The following CPQ variants were observed in gnomAD, a reference collection of about 807,000 sequenced individuals.
CPQ encodes the protein Ser-Met dipeptidase.
Under a neutral mutation model 45.7 loss-of-function variants are expected in CPQ, and 37 were observed. The observed-to-expected ratio is 0.81, with a 90% CI of 0.62 to 1.07. CPQ has a LOEUF of 1.07. Ranked by LOEUF, CPQ falls within the 50% of genes least tolerant of loss-of-function variation. CPQ has a pLI of 0.00. For synonymous variants in CPQ, 186 were observed against 205.8 expected (o/e 0.90, Z 0.82); for missense variants, 537 against 572.9 (o/e 0.94, Z 0.64).
intron 1 of CPQ, among the ~76,000 whole-genome samples, chr8:96,774,128 G>T (rs952601064): frequency 1.3e-5 from 2 of 151,920 alleles, no homozygotes; most frequent in Non-Finnish European, 2.9e-5. Context: ...AAAATTAGCC[G>T]GGCACAGTGG....
chr8:96,753,518 C>G (rs1216820766), intron 1 of CPQ, among the ~76,000 whole-genome samples: 1 of 139,350 alleles, frequency 7.2e-6, no homozygotes, highest in Admixed American at 7.1e-5. Flanking sequence ...AAGTTTTCTT[C>G]TATCTTGCAT....
chr8:96,941,749 G>A (rs1813125478), intron 4 of CPQ, among the ~76,000 whole-genome samples: 1 of 152,122 alleles, frequency 6.6e-6, no homozygotes, highest in Non-Finnish European at 1.5e-5. Context: ...GAATATAACT[G>A]AGAACCATGA....
At chr8:97,118,821 C>T (rs539788702) in intron 7 of CPQ, among the ~76,000 whole-genome samples, 1 of 152,080 alleles carries the variant, frequency 6.6e-6, no homozygotes, top group African/African-American at 2.4e-5. Flanking sequence ...AGCATATATA[C>T]ACACATAATA....
At chr8:96,768,730 T>C (rs1382427127) in intron 1 of CPQ, among the ~76,000 whole-genome samples, 1 of 152,210 alleles carries the variant, frequency 6.6e-6, no homozygotes, top group Non-Finnish European at 1.5e-5. Flanking sequence ...AGTGACTTGC[T>C]GAACAGGACT....
chr8:96,880,518 C>CAT (rs200512558), intron 4 of CPQ, among the ~76,000 whole-genome samples: 2 of 97,324 alleles, frequency 2.1e-5, no homozygotes, highest in Admixed American at 1.1e-4. Flanking sequence ...AATATATGGT[C>CAT]ATATATATAT....
intron 1 of CPQ, among the ~76,000 whole-genome samples, chr8:96,661,581 C>A (rs1271869191): frequency 6.6e-6 from 1 of 152,170 alleles, no homozygotes; most frequent in East Asian, 1.9e-4. Flanking sequence ...GAGTAATATG[C>A]ATTTACTTCT....
intron 7 of CPQ, among the ~76,000 whole-genome samples, chr8:97,122,226 C>T (rs1358520882): frequency 6.6e-6 from 1 of 151,974 alleles, no homozygotes; most frequent in East Asian, 1.9e-4. Context: ...ACAAGAAAAT[C>T]ATTACAATCA....
intron 1 of CPQ, among the ~76,000 whole-genome samples, chr8:96,655,045 C>T (rs1815622764): frequency 6.6e-6 from 1 of 151,712 alleles, no homozygotes; most frequent in African/African-American, 2.4e-5. Context: ...AGTTTGATAT[C>T]AGGCAGTGTG....
intron 5 of CPQ, among the ~76,000 whole-genome samples, chr8:96,985,184 A>G (rs1813992491): frequency 1.3e-5 from 2 of 151,886 alleles, no homozygotes; most frequent in Non-Finnish European, 2.9e-5. Flanking sequence ...CATTTTCACC[A>G]TGATTTGTTT....
intron 5 of CPQ, among the ~76,000 whole-genome samples, chr8:96,998,548 A>G (rs962270562): frequency 5.9e-5 from 9 of 151,970 alleles, no homozygotes; most frequent in Non-Finnish European, 1.0e-4. Flanking sequence ...AGTTTCTAGA[A>G]TTAAGGCAAG....
intron 5 of CPQ, among the ~76,000 whole-genome samples, chr8:96,968,048 G>A (rs1463563190): frequency 6.6e-6 from 1 of 152,092 alleles, no homozygotes; most frequent in Non-Finnish European, 1.5e-5. Flanking sequence ...TAATATAAGA[G>A]AAGATGATAA....
At chr8:96,690,898 A>G (rs1809296444) in intron 1 of CPQ, among the ~76,000 whole-genome samples, 1 of 152,164 alleles carries the variant, frequency 6.6e-6, no homozygotes, top group Non-Finnish European at 1.5e-5. Flanking sequence ...TTTATGAAAA[A>G]CAAAGTAAAA....
At chr8:96,923,909 GA>G (rs1213123511) in intron 4 of CPQ, among the ~76,000 whole-genome samples, 1 of 152,212 alleles carries the variant, frequency 6.6e-6, no homozygotes, top group Non-Finnish European at 1.5e-5. Flanking sequence ...AAACTTTGTA[GA>G]ACGTGCCTCA....
intron 1 of CPQ, among the ~76,000 whole-genome samples, chr8:96,700,198 G>A (rs1809437641): frequency 6.6e-6 from 1 of 152,072 alleles, no homozygotes; most frequent in Admixed American, 6.6e-5. Context: ...TATGTACTTG[G>A]AAATTGATGC....
chr8:97,032,845 A>G lies in CPQ; in HGVS notation c.1053+3351A>G, dbSNP rs192991530. 2.5e-3 allele frequency among the ~76,000 whole-genome samples: 374 copies of G among 152,360 alleles called. 4 individuals are homozygous for G. Among genetic ancestry groups the G allele is most frequent in the Non-Finnish European group, 4.3e-3 (294 of 68,032 alleles). ...TAAGAAAGTTAGTATAACAAACCATATATAATGAAGTTTTAAATAATGTAC... is the reference window on the plus strand; with the variant it reads ...TAAGAAAGTTAGTATAACAAACCATGTATAATGAAGTTTTAAATAATGTAC... On this transcript the variant is annotated intron_variant, in intron 6 of 7. Transcript: ENST00000220763.
intron 6 of CPQ, among the ~76,000 whole-genome samples, chr8:97,036,185 G>A (rs1023428606): frequency 2.0e-5 from 3 of 152,064 alleles, no homozygotes; most frequent in African/African-American, 7.2e-5. Flanking sequence ...AACCACGGCC[G>A]ACTCCCAAGA....
chr8:96,794,268 A>G (rs535994709), intron 2 of CPQ, among the ~76,000 whole-genome samples: 13 of 152,294 alleles, frequency 8.5e-5, no homozygotes, highest in South Asian at 4.1e-4. Context: ...CCAAACCCCA[A>G]TTCTTGACTC....
At chr8:96,989,078 A>G (rs1371103718) in intron 5 of CPQ, among the ~76,000 whole-genome samples, 3 of 152,170 alleles carry the variant, frequency 2.0e-5, no homozygotes, top group Non-Finnish European at 4.4e-5. Context: ...CCTTCTGCAC[A>G]TTGATTCCAC....
At chr8:96,734,880 A>C (rs1040289865) in intron 1 of CPQ, among the ~76,000 whole-genome samples, 14 of 151,570 alleles carry the variant, frequency 9.2e-5, no homozygotes, top group African/African-American at 3.4e-4. Context: ...TTCCTTCTTT[A>C]TTTTGCTATG....
Sources: allele counts gnomAD v4.1 joint callset (sites outside exome capture counted in the v4.1 genomes callset), GRCh38; gene constraint gnomAD v4.1.1; transcripts MANE v1.5; gene names NCBI Gene and HGNC (gene_info 2026-07-23, HGNC 2026-07-21).